ZNF423: variants seen among roughly 807,000 people sequenced by gnomAD.
ZNF423 encodes Ebf-associated zinc finger protein.
A neutral mutation model predicts 95.8 loss-of-function variants in ZNF423; 12 were observed. The observed-to-expected ratio is 0.13, with a 90% CI of 0.08 to 0.20. ZNF423 has a LOEUF of 0.20. ZNF423 is among the 10% of genes least tolerant of loss of function. ZNF423 has a pLI of 1.00. For synonymous variants in ZNF423, 749 were observed against 711.9 expected, an observed-to-expected ratio of 1.05 and a Z score of -0.83; for missense variants, 1,316 against 1,737.1, an observed-to-expected ratio of 0.76 and a Z score of 4.31.
chr16:49,644,345 C>T (rs939011473), intron 3 of ZNF423, among the ~76,000 whole-genome samples: 5 of 152,004 alleles, frequency 3.3e-5, no homozygotes, highest in Non-Finnish European at 5.9e-5. Flanking sequence ...CTGGGCAGTT[C>T]CATCTGTGTG....
At chr16:49,625,338 G>C (rs546351970) in intron 5 of ZNF423, among the ~76,000 whole-genome samples, 1 of 152,330 alleles carries the variant, frequency 6.6e-6, no homozygotes, top group South Asian at 2.1e-4. Context: ...GGGTGACAGA[G>C]TGAGGCTCTG....
intron 3 of ZNF423, among the ~76,000 whole-genome samples, chr16:49,709,168 T>TTTTATATATATATATATATATATA (rs68002485): frequency 5.4e-5 from 5 of 93,450 alleles, no homozygotes; most frequent in South Asian, 3.6e-4. Context: ...CAGCAGCCGT[T>TTTTATATATATATATATATATATA]TATATATATA....
intron 3 of ZNF423, among the ~76,000 whole-genome samples, chr16:49,674,407 G>A (rs891059960): frequency 2.0e-5 from 3 of 152,140 alleles, no homozygotes; most frequent in Admixed American, 6.5e-5. Context: ...ATGTGCATAC[G>A]TGTGCTGCAG....
At chr16:49,815,904 ATATATATATATTTTTTTTTTTTTTT>A in intron 1 of ZNF423, among the ~76,000 whole-genome samples, 1 of 46,592 alleles carries the variant, frequency 2.1e-5, no homozygotes, top group South Asian at 1.1e-3. Context: ...ATATATATAT[ATATATATATATTTTTTTTTTTTTTT>A]TTTTTTTGAG....
chr16:49,758,097 G>A (rs549323529), intron 2 of ZNF423, among the ~76,000 whole-genome samples: 8 of 152,248 alleles, frequency 5.3e-5, no homozygotes, highest in Admixed American at 2.6e-4. Context: ...TGGTTTACCC[G>A]GGAGCCTAAT....
chr16:49,832,082 C>T (rs184236868), intron 1 of ZNF423, among the ~76,000 whole-genome samples: 252 of 152,168 alleles, frequency 1.7e-3, no homozygotes, highest in African/African-American at 4.4e-3. Flanking sequence ...TCCATAAAGG[C>T]ACCAAATATC....
At chr16:49,754,526 C>A (rs1323453795) in intron 2 of ZNF423, among the ~76,000 whole-genome samples, 1 of 152,154 alleles carries the variant, frequency 6.6e-6, no homozygotes, top group African/African-American at 2.4e-5. Flanking sequence ...ATGCTAGGGA[C>A]CCTCAGACCC....
At chr16:49,728,890 G>A (rs1404598054) in intron 3 of ZNF423, among the ~76,000 whole-genome samples, 7 of 152,104 alleles carry the variant, frequency 4.6e-5, no homozygotes, top group South Asian at 2.1e-4. Context: ...GTGCCATCAC[G>A]CCTGGGTAAT....
chr16:49,649,441 C>A (rs1973305694), intron 3 of ZNF423, among the ~76,000 whole-genome samples: 1 of 152,120 alleles, frequency 6.6e-6, no homozygotes, highest in Middle Eastern at 3.2e-3. Context: ...GGTATCCCAG[C>A]TCTCTACTAT....
At position 49,637,552 on chromosome 16, in the gene ZNF423, C is replaced by T. The variant is rs749382074; in HGVS notation, c.1624G>A (p.Glu542Lys). The T allele has an allele frequency of 1.4e-5, 23 of 1,613,886 alleles. No individual in the cohort carries two copies. Among genetic ancestry groups the T allele is most frequent in the East Asian group, 2.2e-5 (1 of 44,858 alleles). ...CTGCAGTGGGCCTGCTGGATGTGCT[C>T]GGTGAGGGAGGACTCAGTAAGGAAA... is the stretch of plus-strand genomic sequence containing the variant. ...MGFLTESSLT[E>K]HIQQAHCSVG... The change falls in exon 4 of 8, where the codon GAG becomes AAG. Residue 542 changes from glutamate (E) to lysine (K), a missense_variant. Glu to Lys is a moderately conservative substitution (Grantham distance 56). This residue lies in a region of ZNF423 where 399 missense variants were observed against 478.5 expected (regional missense o/e 0.83). Transcript: ENST00000563137. This position sits in a 1 kb window ranked among gnomAD's most constrained non-coding sequence, Gnocchi z 5.6.
chr16:49,623,370 G>A (rs1179218518), intron 5 of ZNF423, among the ~76,000 whole-genome samples: 3 of 152,272 alleles, frequency 2.0e-5, no homozygotes, highest in Non-Finnish European at 4.4e-5. Flanking sequence ...CTCTAGTTAA[G>A]AGCAACCCCC....
intron 3 of ZNF423, among the ~76,000 whole-genome samples, chr16:49,660,530 ACCTGACCACCCT>A (rs1376189973): frequency 6.6e-6 from 1 of 152,158 alleles, no homozygotes; most frequent in African/African-American, 2.4e-5. Context: ...TATAAGCCTG[ACCTGACCACCCT>A]CCTGACCACC....
rs997408670 is a variant in ZNF423 at position 49,837,199 on chromosome 16, G to A, written c.40+18536C>T. ...GGGGGCCCTGGCGAGCTGAGGCCTG[G>A]GGGTCAGGGTCCCTGTCCATGGGAT... is the stretch of plus-strand genomic sequence containing the variant. On this transcript the variant is annotated intron_variant, in intron 1 of 7. Coordinates refer to ENST00000563137, the MANE Select transcript of ZNF423 (RefSeq NM_001379286.1). Among the ~76,000 whole-genome samples, 18 of 152,120 alleles carry A rather than the reference G, an allele frequency of 1.2e-4. 1 individual carries two copies. The highest frequency in any genetic ancestry group is 2.6e-4 in the Non-Finnish European group (18 of 68,010).
upstream of ZNF423, among the ~76,000 whole-genome samples, chr16:49,859,035 G>C (rs1406121722): frequency 6.6e-6 from 1 of 152,226 alleles, no homozygotes; most frequent in Non-Finnish European, 1.5e-5. Context: ...CTTTCTGGGG[G>C]GCTGGAGATT....
intron 2 of ZNF423, among the ~76,000 whole-genome samples, chr16:49,784,769 G>A (rs1567341642): frequency 6.6e-6 from 1 of 152,070 alleles, no homozygotes; most frequent in Non-Finnish European, 1.5e-5. Context: ...GGCCAACATG[G>A]TGAAACCCTG....
In ZNF423 at chr16:49,648,567, G is replaced by A. The variant is rs561583147; in HGVS notation, c.302-9693C>T. 5.7e-4 allele frequency among the ~76,000 whole-genome samples: 86 copies of A among 151,944 alleles called. 1 individual carries two copies. The highest frequency in any genetic ancestry group is 5.0e-3 in the South Asian group (24 of 4,804). ...TTCAGGAGGCTGAGGCAGGAGAATC[G>A]CTTGAACCCAGAAGGTGGAGGTTGT... On this transcript the variant is annotated intron_variant, in intron 3 of 7. Transcript: ENST00000563137.
At chr16:49,517,496 C>T (rs985583543) in intron 7 of ZNF423, among the ~76,000 whole-genome samples, 1 of 152,166 alleles carries the variant, frequency 6.6e-6, no homozygotes, top group South Asian at 2.1e-4. Flanking sequence ...CAGACTGGAT[C>T]CCCTACTGCC....
At chr16:49,503,566 G>A (rs993758196) in intron 7 of ZNF423, among the ~76,000 whole-genome samples, 2 of 151,980 alleles carry the variant, frequency 1.3e-5, no homozygotes, top group Non-Finnish European at 2.9e-5. Context: ...TCTCCACATC[G>A]GAGCCATCCT....
chr16:49,768,827 G>A lies in ZNF423; in HGVS notation c.100+20660C>T, dbSNP rs570409070. ...TCCTCCCCCGATTGCCAGAACACAC[G>A]TTCAAGTACCCCCTCAACATCTCAC... On this transcript the variant is annotated intron_variant, in intron 2 of 7. Transcript: ENST00000563137. 7.0e-4 allele frequency among the ~76,000 whole-genome samples: 106 copies of A among 152,042 alleles called. 2 individuals are homozygous for A. In the South Asian group the frequency reaches 0.013, roughly 19 times the overall value.
Sources: gnomAD v4.1 joint callset for allele counts (sites outside exome capture counted in the v4.1 genomes callset) on GRCh38, gnomAD v4.1.1 for gene constraint, gnomAD v4.1.1 regional missense constraint, Gnocchi (gnomAD v3.1) non-coding constraint, MANE v1.5 for transcripts, NCBI Gene and HGNC (gene_info 2026-07-23, HGNC 2026-07-21) for gene names.